Variants in TRIM51 observed in about 807,000 individuals in gnomAD.
TRIM51 encodes tripartite motif-containing 51, also known as tripartite motif-containing protein 51.
In TRIM51, 23 loss-of-function variants were observed where a neutral mutation model predicts 32.7. That is an observed-to-expected ratio of 0.70 (90% CI 0.51 to 1.00). TRIM51 has a LOEUF of 1.00. TRIM51 is among the 50% of genes least tolerant of loss of function. TRIM51 has a pLI of 0.00. For missense variants in TRIM51, 592 were observed against 539.2 expected (o/e 1.10, Z -0.97); for synonymous variants, 177 against 181.9 (o/e 0.97, Z 0.22).
rs371168608 is a variant in TRIM51 at position 55,888,991 on chromosome 11, A to G, written c.751A>G (p.Ile251Val). Residue 251 changes from isoleucine (I) to valine (V), a missense_variant, in exon 5 of 7, where the codon ATA (isoleucine) becomes GTA (valine). Ile to Val is a conservative substitution (Grantham distance 29). Transcript: ENST00000449290. Reference sequence around the variant, plus strand: ...TTTTTTTTTACAGGCTTTTGGAGACATATTACACAGGTGAGTGCACACCAA... The same window carrying G: ...TTTTTTTTTACAGGCTTTTGGAGACGTATTACACAGGTGAGTGCACACCAA... ...DVELLQAFGD[I>V]LHRYESLLLQ... 5 of 1,611,502 alleles carry G rather than the reference A, an allele frequency of 3.1e-6. No individual in the cohort carries two copies. In the Admixed American group the frequency reaches 5.0e-5, roughly 16 times the overall value.
At chr11:55,886,246 C>T (rs202152174) in intron 3 of TRIM51, 28 bp downstream of exon 3, 58 of 1,561,158 alleles carry the variant, frequency 3.7e-5, no homozygotes, top group South Asian at 1.0e-4. Context: ...CTACCTTCTC[C>T]GGGAACTTAT....
In TRIM51 at chr11:55,891,426, G is replaced by C. The variant is rs758051248; in HGVS notation, c.1153G>C (p.Glu385Gln). ...ACTCTTTCTTCTTGGATGTGTTAAGGAGGACACTCACTGCAGTCTCTTTAC... is the reference window on the plus strand; with the variant it reads ...ACTCTTTCTTCTTGGATGTGTTAAGCAGGACACTCACTGCAGTCTCTTTAC... ...EGLFLLGCVK[E>Q]DTHCSLFTTS... Residue 385 changes from glutamate to glutamine, a missense_variant, in exon 7 of 7, where the codon GAG becomes CAG. By Grantham distance (29) the Glu-to-Gln change is conservative (BLOSUM62 2). Coordinates refer to ENST00000449290, the MANE Select transcript of TRIM51 (RefSeq NM_032681.4). The C allele has an allele frequency of 1.2e-6, 2 of 1,612,736 alleles. No individual in the cohort carries two copies. Among genetic ancestry groups the C allele is most frequent in the Non-Finnish European group, 1.7e-6 (2 of 1,179,718 alleles).
At chr11:55,887,250 G>A (rs1854588813) in intron 3 of TRIM51, among the ~76,000 whole-genome samples, 2 of 151,366 alleles carry the variant, frequency 1.3e-5, no homozygotes, top group Admixed American at 1.3e-4. Flanking sequence ...CCTCCTGTTT[G>A]CCTTCCTCTT....
chr11:55,888,327 C>A, intron 4 of TRIM51, 65 bp downstream of exon 4: 2 of 1,199,672 alleles, frequency 1.7e-6, no homozygotes, highest in South Asian at 1.2e-5. Flanking sequence ...TTTCCTCTCT[C>A]CTGAACTCCG....
At chr11:55,887,654 A>T (rs951414320) in intron 3 of TRIM51, among the ~76,000 whole-genome samples, 2 of 152,132 alleles carry the variant, frequency 1.3e-5, no homozygotes, top group African/African-American at 2.4e-5. Flanking sequence ...CATTTGTCAG[A>T]TAATGGTTTT....
At position 55,888,210 on chromosome 11, in the gene TRIM51, T is replaced by C. The variant is rs1174854171; in HGVS notation, c.686T>C (p.Met229Thr). The part of the protein sequence containing the change: ...MEHSRELLRG[M>T]YEDLKQMCHK... ...CATTCCAGGGAGCTTTTAAGAGGAA[T>C]GTATGAGGATCTGAAGCAAATGTGC... Residue 229 changes from methionine (M) to threonine (T), a missense_variant, in exon 4 of 7, where the codon ATG (methionine) becomes ACG (threonine). Transcript: ENST00000449290. 1 of 1,613,594 alleles carries C rather than the reference T, an allele frequency of 6.2e-7. No individual in the cohort carries two copies. Among genetic ancestry groups the C allele is most frequent in the Non-Finnish European group, 8.5e-7 (1 of 1,179,630 alleles).
intron 5 of TRIM51, 62 bp from the exon 6 acceptor site, chr11:55,889,880 G>C: frequency 8.9e-7 from 1 of 1,124,928 alleles, no homozygotes; most frequent in Non-Finnish European, 1.4e-6. Flanking sequence ...TTAAATAAGA[G>C]TGGTGTTTTT....
rs373735795 is a variant in TRIM51, at chr11:55,891,461, A to T, written c.1188A>T (p.Pro396=). ...DTHCSLFTTS[P]LVVQYVPRPT... Reference sequence around the variant, plus strand: ...ACTGCAGTCTCTTTACCACCTCCCCACTTGTGGTGCAATATGTTCCAAGAC... The same window carrying T: ...ACTGCAGTCTCTTTACCACCTCCCCTCTTGTGGTGCAATATGTTCCAAGAC... Residue 396 remains proline (P), a synonymous_variant, in exon 7 of 7, where the codon CCA becomes CCT. Transcript: ENST00000449290. 3 of 1,613,190 alleles carry T rather than the reference A, an allele frequency of 1.9e-6. No homozygotes were observed. In the African/African-American group the frequency reaches 4.0e-5, roughly 22 times the overall value.
At chr11:55,889,616 A>G (rs1854622249) in intron 5 of TRIM51, among the ~76,000 whole-genome samples, 1 of 152,112 alleles carries the variant, frequency 6.6e-6, no homozygotes, top group African/African-American at 2.4e-5. Flanking sequence ...ACTTTTCCAG[A>G]CAGTGATTTC....
rs143840865 is a variant in TRIM51, at chr11:55,884,157, CTATATA to C, written c.-5+794_-5+799del. 3.9e-3 allele frequency among the ~76,000 whole-genome samples: 239 copies of C among 61,558 alleles called. 19 individuals carry two copies. The highest frequency in any genetic ancestry group is 0.01 in the African/African-American group (192 of 19,052). 40.4% of individuals were successfully genotyped at this position (61,558 alleles called of 152,430 possible). On this transcript the variant is annotated intron_variant, in intron 1 of 6. Coordinates refer to ENST00000449290, the MANE Select transcript of TRIM51 (RefSeq NM_032681.4). ...CCATAGGATGTGTACATAACTATAA[CTATATA>C]TATATATATATATATATATACACAT... is the stretch of plus-strand genomic sequence containing the variant.
chr11:55,887,919 G>A (rs762498034), intron 3 of TRIM51, 113 bp from the exon 4 acceptor site: 71 of 818,668 alleles, frequency 8.7e-5, no homozygotes, highest in Non-Finnish European at 1.3e-4. Context: ...TGGAATCTGA[G>A]AATTGACAAG....
At chr11:55,889,651 C>G (rs974507599) in intron 5 of TRIM51, among the ~76,000 whole-genome samples, 3 of 152,118 alleles carry the variant, frequency 2.0e-5, no homozygotes, top group African/African-American at 7.2e-5. Flanking sequence ...AGGTCTGGAA[C>G]CCAGAATTTC....
At position 55,885,630 on chromosome 11, in the gene TRIM51, A is replaced by G; in HGVS notation, c.202A>G (p.Ile68Val). ...GCGGCAGAGAAACCTCAACACTGAC[A>G]TTTGTTTGAAGAACATGGCTTTCAT... is the stretch of plus-strand genomic sequence containing the variant. ...TTRQRNLNTD[I>V]CLKNMAFIAR... The change falls in exon 2 of 7, where the codon ATT becomes GTT. Residue 68 changes from isoleucine (I) to valine (V), a missense_variant. Ile to Val is a conservative substitution (Grantham distance 29). Transcript: ENST00000449290. The G allele has an allele frequency of 5.0e-6, 8 of 1,610,924 alleles. No individual in the cohort carries two copies. The highest frequency in any genetic ancestry group is 6.8e-6 in the Non-Finnish European group (8 of 1,179,246).
At position 55,891,138 on chromosome 11, in the gene TRIM51, T is replaced by C; in HGVS notation, c.865T>C (p.Phe289Leu). The change falls in exon 7 of 7, where the codon TTT (phenylalanine) becomes CTT (leucine). Residue 289 changes from phenylalanine (F) to leucine (L), a missense_variant. Coordinates refer to ENST00000449290, the MANE Select transcript of TRIM51 (RefSeq NM_032681.4). Reference sequence around the variant, plus strand: ...TTTAAAAATTATTTTTGCAGTTGATTTTACTCTGCAGCCTGAAAGAGCCAA... The same window carrying C: ...TTTAAAAATTATTTTTGCAGTTGATCTTACTCTGCAGCCTGAAAGAGCCAA... The part of the protein sequence containing the change: ...LDSLSGFRVD[F>L]TLQPERANSH... 5 of 1,596,712 alleles carry C rather than the reference T, an allele frequency of 3.1e-6. No individual in the cohort carries two copies. Among genetic ancestry groups the C allele is most frequent in the Non-Finnish European group, 3.4e-6 (4 of 1,178,548 alleles).
At chr11:55,884,157 C>CTACATATATATATATATATATATATA in intron 1 of TRIM51, among the ~76,000 whole-genome samples, 1 of 61,544 alleles carries the variant, frequency 1.6e-5, no homozygotes, top group Non-Finnish European at 3.3e-5. Context: ...ATAACTATAA[C>CTACATATATATATATATATATATATA]TATATATATA....
chr11:55,885,545 G>C lies in TRIM51; in HGVS notation c.117G>C (p.Leu39Phe), dbSNP rs557046478. The change falls in exon 2 of 7, where the codon TTG becomes TTC. Residue 39 changes from leucine to phenylalanine, a missense_variant. Physicochemically the swap from Leu to Phe is conservative, Grantham distance 22. Coordinates refer to ENST00000449290, the MANE Select transcript of TRIM51 (RefSeq NM_032681.4). ...GGCACAGCTTTTGCCGGCCCTGTTT[G>C]TACCTCAACTGGCAAGACACGGCAG... ...DCGHSFCRPC[L>F]YLNWQDTAVL... 318 of 1,612,008 alleles carry C rather than the reference G, an allele frequency of 2.0e-4. No individual in the cohort carries two copies. The African/African-American group carries it at 2.2e-3, about 11-fold the overall frequency.
chr11:55,889,987 G>A lies in TRIM51; in HGVS notation c.807G>A (p.Glu269=). ...AAGTGTCTGAGCCTGTGAATCCAGAGCTCAGTGCAGGGCCCATCACTGGAC... is the reference window on the plus strand; with the variant it reads ...AAGTGTCTGAGCCTGTGAATCCAGAACTCAGTGCAGGGCCCATCACTGGAC... ...LLQVSEPVNP[E]LSAGPITGLL... The change falls in exon 6 of 7, where the codon GAG becomes GAA. Residue 269 remains glutamate (E), a synonymous_variant. Transcript: ENST00000449290. 6.2e-7 allele frequency: 1 copy of A among 1,613,430 alleles called. No individual in the cohort carries two copies. Among genetic ancestry groups the A allele is most frequent in the South Asian group, 1.1e-5 (1 of 91,066 alleles).
At chr11:55,886,042 C>T (rs1431187761) in intron 2 of TRIM51, 81 bp from the exon 3 acceptor site, 2 of 1,493,720 alleles carry the variant, frequency 1.3e-6, no homozygotes, top group Non-Finnish European at 1.8e-6. Context: ...ATTTGTCTCT[C>T]ATTTTGGGTC....
rs758890429 is a variant in TRIM51, at chr11:55,889,001, G to A, written c.761G>A (p.Arg254Lys). 3 of 1,611,404 alleles carry A rather than the reference G, an allele frequency of 1.9e-6. No individual in the cohort carries two copies. Among genetic ancestry groups the A allele is most frequent in the Non-Finnish European group, 2.5e-6 (3 of 1,178,682 alleles). Residue 254 changes from arginine to lysine, a missense_variant and splice_region_variant, in exon 5 of 7, where the codon AGG becomes AAG. Physicochemically the swap from Arg to Lys is conservative, Grantham distance 26. Coordinates refer to ENST00000449290, the MANE Select transcript of TRIM51 (RefSeq NM_032681.4). ...CAGGCTTTTGGAGACATATTACACA[G>A]GTGAGTGCACACCAAGATTTTAGCA... ...LLQAFGDILHRYESLLLQVSE... is the reference protein window; with the variant it reads ...LLQAFGDILHKYESLLLQVSE...
Sources: allele counts gnomAD v4.1 joint callset (sites outside exome capture counted in the v4.1 genomes callset), GRCh38; gene constraint gnomAD v4.1.1; transcripts MANE v1.5; gene names NCBI Gene and HGNC (gene_info 2026-07-23, HGNC 2026-07-21).